The following DZIP1L variants were observed in gnomAD, a reference collection of about 807,000 sequenced individuals.
DZIP1L encodes cilium assembly protein DZIP1L.
In DZIP1L, 90 loss-of-function variants were observed where a neutral mutation model predicts 88.7. The ratio of observed to expected loss-of-function variants is 1.02; its 90% CI spans 0.86 to 1.21. The LOEUF is 1.21. DZIP1L is among the 50% of genes most tolerant of loss of function. The probability of loss-of-function intolerance (pLI) is 0.00; values close to 1 mark genes in which losing one functional copy is unlikely to be tolerated. For synonymous variants in DZIP1L, 363 were observed against 372.1 expected (o/e 0.98, Z 0.28); for missense variants, 932 against 955.8 (o/e 0.98, Z 0.33).
intron 3 of DZIP1L, among the ~76,000 whole-genome samples, chr3:138,096,015 A>G (rs1036279215): frequency 1.3e-5 from 2 of 152,260 alleles, no homozygotes; most frequent in Non-Finnish European, 2.9e-5. Flanking sequence ...TTTAGTGATT[A>G]CTAGATAAAT....
rs181349179 is a variant in DZIP1L, at chr3:138,082,286, G to A, written c.1204-522C>T. ...CCCCTTCATGGCTGCAGGCAGGACA[G>A]CCACAGGTGAACAATGAGACTTCAC... On this transcript the variant is annotated intron_variant, in intron 8 of 15. Transcript: ENST00000327532. 2.6e-5 allele frequency among the ~76,000 whole-genome samples: 4 copies of A among 152,322 alleles called. No homozygotes were observed. The East Asian group carries it at 7.7e-4, about 29-fold the overall frequency.
intron 2 of DZIP1L, chr3:138,101,744 C>T (rs2107839516): frequency 1.1e-6 from 1 of 943,868 alleles, no homozygotes; most frequent in Non-Finnish European, 1.7e-6. Flanking sequence ...CTTTCCTTGC[C>T]CTCCAGCAGC....
chr3:138,090,562 C>T (rs1944163715), intron 5 of DZIP1L, among the ~76,000 whole-genome samples: 1 of 152,270 alleles, frequency 6.6e-6, no homozygotes, highest in Non-Finnish European at 1.5e-5. Context: ...TTTAGGGAGC[C>T]CCCATCCCCA....
chr3:138,092,665 C>A lies in DZIP1L; in HGVS notation c.709-121G>T, dbSNP rs565089238. 4.9e-5 allele frequency: 47 copies of A among 964,758 alleles called. No individual in the cohort carries two copies. In the African/African-American group the frequency reaches 7.4e-4, roughly 15 times the overall value. The allele number at this position is 964,758 out of a possible 1,614,324, so 59.8% of individuals were successfully genotyped here. ...CTATGGAGACCCAAAGAGCATTCATCCCACAGTTCCCATTGTTTGGACTTG... is the reference window on the plus strand; with the variant it reads ...CTATGGAGACCCAAAGAGCATTCATACCACAGTTCCCATTGTTTGGACTTG... On this transcript the variant is annotated intron_variant, in intron 4 of 15. Transcript: ENST00000327532.
chr3:138,081,720 G>A lies in DZIP1L; in HGVS notation c.1234+14C>T, dbSNP rs772528985. ...AGTCAAGACTGCTACACACTGCCCTGTGTAGACACTTACCTTCCACCTTCC... is the reference window on the plus strand; with the variant it reads ...AGTCAAGACTGCTACACACTGCCCTATGTAGACACTTACCTTCCACCTTCC... On this transcript the variant is annotated intron_variant, in intron 9 of 15. Coordinates refer to ENST00000327532, the MANE Select transcript of DZIP1L (RefSeq NM_173543.3). The A allele has an allele frequency of 1.2e-6, 2 of 1,612,574 alleles. No homozygotes were observed. The highest frequency in any genetic ancestry group is 1.7e-6 in the Non-Finnish European group (2 of 1,179,134).
chr3:138,069,398 T>A (rs1943068604), intron 12 of DZIP1L, among the ~76,000 whole-genome samples: 1 of 152,168 alleles, frequency 6.6e-6, no homozygotes, highest in Non-Finnish European at 1.5e-5. Flanking sequence ...TAGTTAAGTT[T>A]TGGGGCAGTC....
chr3:138,114,651 T>A (rs1464835572), intron 1 of DZIP1L, among the ~76,000 whole-genome samples: 2 of 152,050 alleles, frequency 1.3e-5, no homozygotes, highest in Non-Finnish European at 2.9e-5. Context: ...CTGTTAGAAA[T>A]CGAATTCCAG....
chr3:138,080,668 C>A (rs1943606888), intron 9 of DZIP1L, 48 bp from the exon 10 acceptor site: 3 of 1,599,572 alleles, frequency 1.9e-6, no homozygotes, highest in Non-Finnish European at 2.6e-6. Flanking sequence ...TGGACCCCAT[C>A]CCTGACTAGA....
chr3:138,099,169 CT>C (rs1031784844), intron 2 of DZIP1L, among the ~76,000 whole-genome samples: 7 of 152,168 alleles, frequency 4.6e-5, no homozygotes, highest in Admixed American at 4.6e-4. Flanking sequence ...TTGTTCCTTC[CT>C]AGTTTCTGGC....
intron 1 of DZIP1L, among the ~76,000 whole-genome samples, chr3:138,111,113 A>G (rs1469875024): frequency 6.6e-6 from 1 of 152,168 alleles, no homozygotes; most frequent in East Asian, 1.9e-4. Context: ...ACCATGGCTT[A>G]TTCGTATCTG....
At chr3:138,068,891 AC>A in intron 12 of DZIP1L, 1 of 1,237,880 alleles carries the variant, frequency 8.1e-7, no homozygotes, top group Non-Finnish European at 1.0e-6. Flanking sequence ...TTGCATCAAG[AC>A]CTATAGCCAC....
chr3:138,085,754 T>C (rs1943900242), intron 7 of DZIP1L, among the ~76,000 whole-genome samples: 1 of 152,228 alleles, frequency 6.6e-6, no homozygotes, highest in Admixed American at 6.5e-5. Flanking sequence ...ATCCCATTAC[T>C]GGGTATATAC....
intron 11 of DZIP1L, among the ~76,000 whole-genome samples, chr3:138,074,314 A>G (rs1317997326): frequency 2.0e-5 from 3 of 152,226 alleles, no homozygotes; most frequent in Admixed American, 6.5e-5. Flanking sequence ...AGGCAAAAGC[A>G]CCAGGTAACC....
At chr3:138,091,668 GGAGAGAGGGAGGGAGGAAGGAAGGAAGGA>G (rs1483713118) in intron 5 of DZIP1L, among the ~76,000 whole-genome samples, 11 of 17,908 alleles carry the variant, frequency 6.1e-4, no homozygotes, top group Non-Finnish European at 2.0e-3. Context: ...AGGAAGGGAG[GGAGAGAGGGAGGGAGGAAGGAAGGAAGGA>G]GAGGGAGAGA....
At chr3:138,110,192 A>G (rs1033718796) in intron 1 of DZIP1L, among the ~76,000 whole-genome samples, 14 of 152,140 alleles carry the variant, frequency 9.2e-5, no homozygotes, top group Non-Finnish European at 1.5e-4. Context: ...TGAGCAAACT[A>G]TCACAAGGAC....
chr3:138,101,493 G>A (rs945948784), intron 2 of DZIP1L: 101 of 778,652 alleles, frequency 1.3e-4, no homozygotes, highest in Admixed American at 4.0e-4. Context: ...TGGGCAGGAC[G>A]TCAGAGGACT....
At chr3:138,113,283 G>A (rs1176182510) in intron 1 of DZIP1L, 2 of 152,044 alleles carry the variant, frequency 1.3e-5, no homozygotes, top group Non-Finnish European at 2.9e-5. Flanking sequence ...TTCTAAAACC[G>A]GCCCACCAAT....
chr3:138,066,946 C>T (rs1278591362), intron 14 of DZIP1L, among the ~76,000 whole-genome samples: 1 of 152,164 alleles, frequency 6.6e-6, no homozygotes, highest in Non-Finnish European at 1.5e-5. Context: ...GCCCCTGTGG[C>T]TGGGGTTGGA....
In DZIP1L at chr3:138,067,550, C is replaced by T; in HGVS notation, c.1983G>A (p.Gln661=). Residue 661 remains glutamine (Q), a synonymous_variant, in exon 14 of 16, where the codon CAG becomes CAA. Coordinates refer to ENST00000327532, the MANE Select transcript of DZIP1L (RefSeq NM_173543.3). ...SDTETSEENA[Q]PPGQGSGTLV... ...GCTCACCTGAGCCCTGGCCAGGGGGCTGGGCATTCTCCTCCGAGGTCTCTG... is the reference window on the plus strand; with the variant it reads ...GCTCACCTGAGCCCTGGCCAGGGGGTTGGGCATTCTCCTCCGAGGTCTCTG... 1 of 1,608,154 alleles carries T rather than the reference C, an allele frequency of 6.2e-7. No individual in the cohort carries two copies. Among genetic ancestry groups the T allele is most frequent in the African/African-American group, 1.3e-5 (1 of 74,684 alleles).
Sources: gnomAD v4.1 joint callset for allele counts (sites outside exome capture counted in the v4.1 genomes callset) on GRCh38, gnomAD v4.1.1 for gene constraint, MANE v1.5 for transcripts, NCBI Gene and HGNC (gene_info 2026-07-23, HGNC 2026-07-21) for gene names.